ZCCHC7: variants seen among roughly 807,000 people sequenced by gnomAD.
ZCCHC7 encodes zinc finger CCHC domain-containing protein 7.
Under a neutral mutation model 52.0 loss-of-function variants are expected in ZCCHC7, and 35 were observed. The observed-to-expected ratio is 0.67, with a 90% CI of 0.51 to 0.89. The LOEUF (loss-of-function observed/expected upper bound fraction) is 0.89, where lower values mean the gene tolerates loss of function less well. ZCCHC7 is among the 40% of genes least tolerant of loss of function. ZCCHC7 has a pLI of 0.00. For synonymous variants in ZCCHC7, 217 were observed against 221.5 expected, an observed-to-expected ratio of 0.98 and a Z score of 0.18; for missense variants, 574 against 649.1, an observed-to-expected ratio of 0.88 and a Z score of 1.26.
chr9:37,288,311 T>G (rs572788816), intron 2 of ZCCHC7, among the ~76,000 whole-genome samples: 17 of 149,294 alleles, frequency 1.1e-4, no homozygotes, highest in Admixed American at 2.7e-4. Context: ...TATCTATCTA[T>G]ATAGATAGAT....
At chr9:37,332,225 C>T (rs186146727) in intron 6 of ZCCHC7, among the ~76,000 whole-genome samples, 150 of 151,566 alleles carry the variant, frequency 9.9e-4, no homozygotes, top group African/African-American at 3.4e-3. Flanking sequence ...CTGAGGTGAA[C>T]GTGATTGTGC....
intron 6 of ZCCHC7, among the ~76,000 whole-genome samples, chr9:37,328,172 A>G (rs532824026): frequency 6.6e-6 from 1 of 151,966 alleles, no homozygotes; most frequent in Non-Finnish European, 1.5e-5. Context: ...AAAATGTTGT[A>G]TTATCCACAG....
chr9:37,248,719 A>G (rs1276861007), intron 2 of ZCCHC7, among the ~76,000 whole-genome samples: 3 of 152,214 alleles, frequency 2.0e-5, no homozygotes, highest in Non-Finnish European at 4.4e-5. Flanking sequence ...TAATTCAAGT[A>G]AAAACTTATT....
chr9:37,149,884 TC>T (rs1843607059), intron 2 of ZCCHC7, among the ~76,000 whole-genome samples: 1 of 152,174 alleles, frequency 6.6e-6, no homozygotes, highest in South Asian at 2.1e-4. Context: ...GCACAGAAAT[TC>T]CCTGAAAAAT....
chr9:37,238,131 G>C (rs1825734708), intron 2 of ZCCHC7, among the ~76,000 whole-genome samples: 1 of 152,090 alleles, frequency 6.6e-6, no homozygotes, highest in Non-Finnish European at 1.5e-5. Context: ...TTTGTGTTGA[G>C]TTTAGCACTC....
At chr9:37,340,091 C>T (rs2118466441) in intron 6 of ZCCHC7, among the ~76,000 whole-genome samples, 1 of 152,246 alleles carries the variant, frequency 6.6e-6, no homozygotes, top group East Asian at 1.9e-4. Flanking sequence ...GGCATTCATT[C>T]ATTCATTCCA....
At chr9:37,319,931 C>T (rs1829984948) in intron 5 of ZCCHC7, among the ~76,000 whole-genome samples, 1 of 152,184 alleles carries the variant, frequency 6.6e-6, no homozygotes, top group Non-Finnish European at 1.5e-5. Context: ...TGTCAAAGGT[C>T]AATTGGCCAT....
intron 1 of ZCCHC7, among the ~76,000 whole-genome samples, chr9:37,121,102 C>T (rs943939252): frequency 6.7e-6 from 1 of 148,636 alleles, no homozygotes; most frequent in African/African-American, 2.4e-5. Flanking sequence ...TGACCCTTTC[C>T]TCATGTAAAA....
chr9:37,167,343 A>G (rs190676134), intron 2 of ZCCHC7, among the ~76,000 whole-genome samples: 3 of 149,160 alleles, frequency 2.0e-5, no homozygotes, highest in Admixed American at 6.7e-5. Flanking sequence ...CTCAGCTTCC[A>G]TATGTGCTGG....
intron 2 of ZCCHC7, among the ~76,000 whole-genome samples, chr9:37,249,814 T>C (rs1219725190): frequency 6.6e-6 from 1 of 152,164 alleles, no homozygotes; most frequent in Non-Finnish European, 1.5e-5. Flanking sequence ...ATTTATATGA[T>C]CAATCAAGCA....
chr9:37,310,619 CTA>C (rs1479990914), intron 5 of ZCCHC7, among the ~76,000 whole-genome samples: 1 of 152,204 alleles, frequency 6.6e-6, no homozygotes, highest in Admixed American at 6.5e-5. Context: ...TACTTTATGA[CTA>C]TGTGGAGAAA....
intron 2 of ZCCHC7, chr9:37,144,900 C>CA (rs1307619010): frequency 1.3e-5 from 2 of 151,968 alleles, no homozygotes; most frequent in African/African-American, 4.8e-5. Context: ...TCAGAAGACT[C>CA]AAAGGAATTC....
chr9:37,269,784 G>A (rs989746314), intron 2 of ZCCHC7, among the ~76,000 whole-genome samples: 13 of 152,106 alleles, frequency 8.5e-5, no homozygotes, highest in African/African-American at 3.1e-4. Flanking sequence ...TATGGGAGAT[G>A]AGGAAGAGAA....
At chr9:37,234,413 ATT>A (rs1282320598) in intron 2 of ZCCHC7, among the ~76,000 whole-genome samples, 8 of 152,300 alleles carry the variant, frequency 5.3e-5, no homozygotes, top group Admixed American at 3.9e-4. Context: ...TTTTTTGATA[ATT>A]CTGGTTAAAG....
chr9:37,219,150 A>G (rs1415037019), intron 2 of ZCCHC7, among the ~76,000 whole-genome samples: 1 of 152,200 alleles, frequency 6.6e-6, no homozygotes, highest in Non-Finnish European at 1.5e-5. Flanking sequence ...ACAGAAAACA[A>G]AAGTTTTAAA....
At chr9:37,162,261 C>T (rs778030400) in intron 2 of ZCCHC7, among the ~76,000 whole-genome samples, 9 of 151,800 alleles carry the variant, frequency 5.9e-5, no homozygotes, top group Non-Finnish European at 7.4e-5. Context: ...ATATTTGACA[C>T]GTTTAAAATG....
intron 1 of ZCCHC7, among the ~76,000 whole-genome samples, chr9:37,123,965 A>C (rs755695608): frequency 3.9e-5 from 6 of 152,128 alleles, no homozygotes; most frequent in Non-Finnish European, 1.5e-5. Context: ...AAAGCATTAC[A>C]GGTGGGTTTA....
In ZCCHC7 at chr9:37,208,204, C is replaced by T. The variant is rs557244434; in HGVS notation, c.610+81262C>T. 3.9e-5 allele frequency among the ~76,000 whole-genome samples: 6 copies of T among 152,260 alleles called. No individual in the cohort carries two copies. In the East Asian group the frequency reaches 1.2e-3, roughly 29 times the overall value. On this transcript the variant is annotated intron_variant, in intron 2 of 8. Coordinates refer to ENST00000336755, the MANE Select transcript of ZCCHC7 (RefSeq NM_032226.3). ...GGCTCAGGTGATCCTCCCACCTCAT[C>T]CCCTCGAATAGCTGAGATTACAGGC...
At chr9:37,255,370 A>G (rs1198320166) in intron 2 of ZCCHC7, among the ~76,000 whole-genome samples, 2 of 152,078 alleles carry the variant, frequency 1.3e-5, no homozygotes, top group African/African-American at 4.8e-5. Context: ...TTAATCTGAT[A>G]ACCCAGATGG....
Sources: allele counts gnomAD v4.1 joint callset (sites outside exome capture counted in the v4.1 genomes callset), GRCh38; gene constraint gnomAD v4.1.1; transcripts MANE v1.5; gene names NCBI Gene and HGNC (gene_info 2026-07-23, HGNC 2026-07-21).